Variants in GALNT13 observed in about 807,000 individuals in gnomAD.
The protein encoded by GALNT13 is UDP-GalNAc:polypeptide N-acetylgalactosaminyltransferase 13.
Under a neutral mutation model 64.2 loss-of-function variants are expected in GALNT13, and 28 were observed. The ratio of observed to expected loss-of-function variants is 0.44; its 90% CI spans 0.32 to 0.60. The LOEUF (loss-of-function observed/expected upper bound fraction) is 0.60. Ranked by LOEUF, GALNT13 falls within the 20% of genes least tolerant of loss-of-function variation. The probability of loss-of-function intolerance (pLI) is 0.05; values close to 1 mark genes in which losing one functional copy is unlikely to be tolerated. For missense variants in GALNT13, 577 were observed against 669.8 expected, an observed-to-expected ratio of 0.86 and a Z score of 1.53; for synonymous variants, 214 against 224.6, an observed-to-expected ratio of 0.95 and a Z score of 0.42.
the GALNT13 span, among the ~76,000 whole-genome samples, chr2:153,250,878 G>C: frequency 6.6e-6 from 1 of 151,970 alleles, no homozygotes; most frequent in Non-Finnish European, 1.5e-5. Flanking sequence ...GCCTGTCATG[G>C]GGTGGGGGGC....
chr2:154,197,552 A>G (rs1686946666), intron 4 of GALNT13, among the ~76,000 whole-genome samples: 1 of 152,102 alleles, frequency 6.6e-6, no homozygotes, highest in South Asian at 2.1e-4. Context: ...AAAGACTTCA[A>G]AGTAAGAAGT....
the GALNT13 span, among the ~76,000 whole-genome samples, chr2:153,863,466 G>A: frequency 1.5e-4 from 23 of 152,066 alleles, no homozygotes; most frequent in Non-Finnish European, 2.4e-4. Context: ...CTGGAATTAT[G>A]AGTAAAGCCT....
chr2:154,326,211 G>C (rs1292318602), intron 9 of GALNT13, among the ~76,000 whole-genome samples: 1 of 151,846 alleles, frequency 6.6e-6, no homozygotes, highest in Admixed American at 6.6e-5. Flanking sequence ...GCCCTGTCTG[G>C]TGTTGCCCTT....
the GALNT13 span, among the ~76,000 whole-genome samples, chr2:153,096,390 C>G: frequency 6.6e-6 from 1 of 152,038 alleles, no homozygotes; most frequent in Non-Finnish European, 1.5e-5. Flanking sequence ...TTCCTTTGGT[C>G]TATAATGCAG....
At chr2:153,232,741 C>T in the GALNT13 span, among the ~76,000 whole-genome samples, 1 of 152,304 alleles carries the variant, frequency 6.6e-6, no homozygotes, top group African/African-American at 2.4e-5. Flanking sequence ...TAATCTGCTA[C>T]ACCAACAGTA....
At chr2:154,117,269 C>G (rs1681635588) in intron 3 of GALNT13, among the ~76,000 whole-genome samples, 1 of 152,160 alleles carries the variant, frequency 6.6e-6, no homozygotes, top group African/African-American at 2.4e-5. Context: ...TCAATCCAAT[C>G]AAGTTGACAC....
At chr2:153,364,301 G>A in the GALNT13 span, among the ~76,000 whole-genome samples, 2 of 151,870 alleles carry the variant, frequency 1.3e-5, no homozygotes, top group Non-Finnish European at 2.9e-5. Context: ...GGCAAAACCT[G>A]GAAGCATTCC....
At chr2:153,436,193 A>G in the GALNT13 span, among the ~76,000 whole-genome samples, 4 of 152,112 alleles carry the variant, frequency 2.6e-5, no homozygotes, top group South Asian at 2.1e-4. Context: ...TGATCATGGT[A>G]GATAAGCTTT....
the GALNT13 span, among the ~76,000 whole-genome samples, chr2:153,464,988 T>A: frequency 6.6e-6 from 1 of 152,216 alleles, no homozygotes; most frequent in East Asian, 1.9e-4. Context: ...CACAGTAGTA[T>A]GAATTCTAAC....
the GALNT13 span, among the ~76,000 whole-genome samples, chr2:153,573,433 C>T: frequency 2.5e-4 from 38 of 152,028 alleles, no homozygotes; most frequent in African/African-American, 9.1e-4. Context: ...GAGTTTAGTC[C>T]ATTTACATTC....
intron 3 of GALNT13, among the ~76,000 whole-genome samples, chr2:153,959,069 T>C (rs2105087833): frequency 6.6e-6 from 1 of 152,282 alleles, no homozygotes; most frequent in African/African-American, 2.4e-5. Flanking sequence ...GGGAAAATAA[T>C]ACTTCTAACT....
the GALNT13 span, among the ~76,000 whole-genome samples, chr2:153,515,373 G>C: frequency 6.6e-6 from 1 of 152,122 alleles, no homozygotes; most frequent in Non-Finnish European, 1.5e-5. Context: ...TCTGTGCTTT[G>C]CACTTTCAAG....
At chr2:154,263,073 A>G (rs974887257) in intron 8 of GALNT13, among the ~76,000 whole-genome samples, 1 of 152,184 alleles carries the variant, frequency 6.6e-6, no homozygotes, top group African/African-American at 2.4e-5. Flanking sequence ...GAAAACTGCC[A>G]CTATCCAATC....
chr2:154,237,690 T>C (rs948578335), intron 4 of GALNT13, among the ~76,000 whole-genome samples: 1 of 151,522 alleles, frequency 6.6e-6, no homozygotes, highest in African/African-American at 2.4e-5. Flanking sequence ...AGTTTTTTCA[T>C]TTTATGTGTC....
the GALNT13 span, among the ~76,000 whole-genome samples, chr2:153,562,060 C>CTCTCTGTGTGTGTGTG: frequency 9.2e-5 from 11 of 118,962 alleles, no homozygotes; most frequent in African/African-American, 2.3e-4. Context: ...CTCTCTCTCT[C>CTCTCTGTGTGTGTGTG]TGTGTGTGTG....
At chr2:154,298,037 G>T (rs1403546598) in intron 8 of GALNT13, among the ~76,000 whole-genome samples, 1 of 152,072 alleles carries the variant, frequency 6.6e-6, no homozygotes, top group Non-Finnish European at 1.5e-5. Flanking sequence ...AGAGGTCTGG[G>T]CTGAGATGTA....
intron 4 of GALNT13, among the ~76,000 whole-genome samples, chr2:154,145,275 A>C (rs954156398): frequency 1.3e-5 from 2 of 151,692 alleles, no homozygotes; most frequent in Non-Finnish European, 3.0e-5. Flanking sequence ...TATCTGATTC[A>C]GAATGTTGAG....
Position 154,298,598 on chromosome 2 carries a change from A to ATTGTATATATAATTTATATAT in GALNT13, c.976-2811_976-2810insTTGTATATATAATTTATATAT, listed in dbSNP as rs1693136197. On this transcript the variant is annotated intron_variant, in intron 8 of 12. Transcript: ENST00000392825. Reference sequence around the variant, plus strand: ...AATTGTATATATAATTTATATATACAATGTATATATTAATTTATATATACA... The same window carrying ATTGTATATATAATTTATATAT: ...AATTGTATATATAATTTATATATACATTGTATATATAATTTATATATATGTATATATTAATTTATATATACA... 1.3e-3 allele frequency among the ~76,000 whole-genome samples: 4 copies of ATTGTATATATAATTTATATAT among 3,080 alleles called. 2 individuals are homozygous for ATTGTATATATAATTTATATAT. Among genetic ancestry groups the ATTGTATATATAATTTATATAT allele is most frequent in the Non-Finnish European group, 9.9e-3 (4 of 404 alleles). 2.0% of individuals were successfully genotyped at this position (3,080 alleles called of 152,430 possible).
At chr2:153,881,658 T>C (rs921554089) in intron 1 of GALNT13, among the ~76,000 whole-genome samples, 3 of 152,200 alleles carry the variant, frequency 2.0e-5, no homozygotes, top group African/African-American at 7.2e-5. Context: ...TCATTTCCAT[T>C]CCTTTTGTAA....
Sources: gnomAD v4.1 joint callset for allele counts (sites outside exome capture counted in the v4.1 genomes callset) on GRCh38, gnomAD v4.1.1 for gene constraint, MANE v1.5 for transcripts, NCBI Gene and HGNC (gene_info 2026-07-23, HGNC 2026-07-21) for gene names.